The following LRP6 variants were observed in gnomAD, a reference collection of about 807,000 sequenced individuals.
LRP6 encodes low-density lipoprotein receptor-related protein 6.
In LRP6, 43 loss-of-function variants were observed where a neutral mutation model predicts 184.1. The observed-to-expected ratio is 0.23, with a 90% CI of 0.18 to 0.30. The LOEUF is 0.30. LRP6 is among the 10% of genes least tolerant of loss of function. The pLI is 1.00. For missense variants in LRP6, 1,571 were observed against 2,005.3 expected, an observed-to-expected ratio of 0.78 and a Z score of 4.14; for synonymous variants, 719 against 684.9, an observed-to-expected ratio of 1.05 and a Z score of -0.78.
chr12:12,194,321 T>G (rs1383864935), intron 3 of LRP6, among the ~76,000 whole-genome samples: 1 of 151,894 alleles, frequency 6.6e-6, no homozygotes, highest in Non-Finnish European at 1.5e-5. Flanking sequence ...GCTTAACAAG[T>G]TACTATAAGG....
At chr12:12,252,836 T>C (rs1865355640) in intron 1 of LRP6, among the ~76,000 whole-genome samples, 2 of 152,230 alleles carry the variant, frequency 1.3e-5, no homozygotes, top group Admixed American at 6.5e-5. Context: ...TCTATACATA[T>C]ATACATTCTT....
intron 2 of LRP6, among the ~76,000 whole-genome samples, chr12:12,232,838 C>A (rs1864828125): frequency 6.6e-6 from 1 of 152,136 alleles, no homozygotes; most frequent in South Asian, 2.1e-4. Flanking sequence ...ACAAAAGGAT[C>A]ATCCCACAAA....
At position 12,211,398 on chromosome 12, in the gene LRP6, T is replaced by C. The variant is rs140438448; in HGVS notation, c.450-7998A>G. The stretch of plus-strand genomic sequence containing the variant: ...TGGAGGTTGCAATGAGCCGAGATCG[T>C]GCCACTGCACTCCAGTCTGGGTGAC... On this transcript the variant is annotated intron_variant, in intron 2 of 22. Transcript: ENST00000261349. Among the ~76,000 whole-genome samples the C allele has an allele frequency of 2.1e-3, 325 of 152,260 alleles. 1 individual carries two copies. Among genetic ancestry groups the C allele is most frequent in the African/African-American group, 7.6e-3 (315 of 41,548 alleles).
At chr12:12,224,816 G>A (rs1324780535) in intron 2 of LRP6, among the ~76,000 whole-genome samples, 1 of 152,148 alleles carries the variant, frequency 6.6e-6, no homozygotes, top group East Asian at 1.9e-4. Flanking sequence ...TATCAGTAAT[G>A]CAATACCAAC....
intron 1 of LRP6, among the ~76,000 whole-genome samples, chr12:12,253,744 G>A (rs970776918): frequency 6.6e-6 from 1 of 152,036 alleles, no homozygotes; most frequent in Non-Finnish European, 1.5e-5. Context: ...AATCATCACC[G>A]TTTTAAGTAT....
At chr12:12,159,217 G>T in intron 11 of LRP6, 62 bp from the exon 12 acceptor site, 2 of 1,255,212 alleles carry the variant, frequency 1.6e-6, no homozygotes, top group Non-Finnish European at 2.3e-6. Context: ...GAGAATACAA[G>T]TGTCTTGCTG....
At chr12:12,224,147 T>G (rs1322861658) in intron 2 of LRP6, among the ~76,000 whole-genome samples, 1 of 152,212 alleles carries the variant, frequency 6.6e-6, no homozygotes, top group Non-Finnish European at 1.5e-5. Flanking sequence ...TGTCTCAATC[T>G]GCATTCCATC....
At chr12:12,257,779 CAAAAAAAAAAAAA>C (rs1163180718) in intron 1 of LRP6, among the ~76,000 whole-genome samples, 92 of 35,326 alleles carry the variant, frequency 2.6e-3, no homozygotes, top group East Asian at 0.015. Flanking sequence ...CCTGTCTCTA[CAAAAAAAAAAAAA>C]AAAAAAAAAA....
At chr12:12,238,438 T>A (rs1021865628) in intron 2 of LRP6, among the ~76,000 whole-genome samples, 3 of 151,840 alleles carry the variant, frequency 2.0e-5, no homozygotes, top group Non-Finnish European at 4.4e-5. Flanking sequence ...GAAATATGAA[T>A]CCTAACCAGG....
chr12:12,121,346 T>C lies in LRP6; in HGVS notation c.4622A>G (p.Tyr1541Cys), dbSNP rs764470555. Reference sequence around the variant, plus strand: ...TGAGGTCATTCTCCGACTAGGAGCATAGTCACTGTCACAAACATCTGTGCT... The same window carrying C: ...TGAGGTCATTCTCCGACTAGGAGCACAGTCACTGTCACAAACATCTGTGCT... ...PCSTDVCDSD[Y>C]APSRRMTSVA... The change falls in exon 23 of 23, where the codon TAT (tyrosine) becomes TGT (cysteine). Residue 1541 changes from tyrosine (Y) to cysteine (C), a missense_variant. By Grantham distance (194) the Tyr-to-Cys change is radical (BLOSUM62 -2). This residue lies in a region of LRP6 where 763 missense variants were observed against 859.5 expected (regional missense o/e 0.89). Coordinates refer to ENST00000261349, the MANE Select transcript of LRP6 (RefSeq NM_002336.3). 1.3e-5 allele frequency: 21 copies of C among 1,613,994 alleles called. No individual in the cohort carries two copies. The East Asian group carries it at 1.3e-4, about 10-fold the overall frequency.
chr12:12,206,661 A>T (rs889998093), intron 2 of LRP6, among the ~76,000 whole-genome samples: 1 of 152,162 alleles, frequency 6.6e-6, no homozygotes, highest in African/African-American at 2.4e-5. Context: ...TAATCCTAGC[A>T]CTTTGGCAGG....
At chr12:12,174,848 T>A (rs1406617942) in intron 7 of LRP6, among the ~76,000 whole-genome samples, 2 of 152,242 alleles carry the variant, frequency 1.3e-5, no homozygotes, top group African/African-American at 2.4e-5. Context: ...TACTAAAGGT[T>A]CTAATAAACC....
intron 22 of LRP6, among the ~76,000 whole-genome samples, chr12:12,124,268 G>A (rs150194707): frequency 1.3e-5 from 2 of 152,320 alleles, no homozygotes; most frequent in East Asian, 1.9e-4. Flanking sequence ...AGCTATTTGA[G>A]AGGCTGAGGC....
chr12:12,172,979 T>C (rs904470143), intron 7 of LRP6, among the ~76,000 whole-genome samples: 7 of 152,206 alleles, frequency 4.6e-5, no homozygotes, highest in African/African-American at 1.2e-4. Flanking sequence ...ATGAAAAGAA[T>C]TGAAGTATCA....
intron 7 of LRP6, among the ~76,000 whole-genome samples, chr12:12,176,129 CA>C (rs2136978071): frequency 6.6e-6 from 1 of 151,956 alleles, no homozygotes; most frequent in East Asian, 1.9e-4. Context: ...CTATCAAAAA[CA>C]TGAAAATTAT....
chr12:12,171,813 A>C (rs1863054082), intron 7 of LRP6, among the ~76,000 whole-genome samples: 1 of 152,216 alleles, frequency 6.6e-6, no homozygotes, highest in African/African-American at 2.4e-5. Context: ...CCAGCCACAC[A>C]ATCTTTTTCT....
intron 22 of LRP6, among the ~76,000 whole-genome samples, chr12:12,124,182 T>A (rs1949640333): frequency 6.6e-6 from 1 of 152,142 alleles, no homozygotes; most frequent in African/African-American, 2.4e-5. Flanking sequence ...GAGACCAGCC[T>A]GGCCAACATG....
At chr12:12,248,731 C>A (rs567493646) in intron 1 of LRP6, among the ~76,000 whole-genome samples, 15 of 152,032 alleles carry the variant, frequency 9.9e-5, no homozygotes, top group Non-Finnish European at 8.8e-5. Context: ...CCGCCCGCCT[C>A]GGCCTCCCAA....
chr12:12,163,022 C>A (rs906485447), intron 9 of LRP6, among the ~76,000 whole-genome samples: 2 of 152,148 alleles, frequency 1.3e-5, no homozygotes, highest in Admixed American at 1.3e-4. Flanking sequence ...GTCACCCAGG[C>A]TGGAGTGCAG....
Sources: allele counts gnomAD v4.1 joint callset (sites outside exome capture counted in the v4.1 genomes callset), GRCh38; gene constraint gnomAD v4.1.1; regional missense constraint gnomAD v4.1.1; transcripts MANE v1.5; gene names NCBI Gene and HGNC (gene_info 2026-07-23, HGNC 2026-07-21).